Variants in EEFSEC observed in about 807,000 individuals in gnomAD.
The protein encoded by EEFSEC is selenocysteine-specific elongation factor.
In EEFSEC, 43 loss-of-function variants were observed where a neutral mutation model predicts 42.1. The observed-to-expected ratio is 1.02, with a 90% CI of 0.80 to 1.32. The LOEUF is 1.32. Among genes scored for constraint, EEFSEC ranks in the 40% most tolerant of loss-of-function variants. EEFSEC has a pLI of 0.00. For synonymous variants in EEFSEC, 354 were observed against 339.1 expected, an observed-to-expected ratio of 1.04 and a Z score of -0.48; for missense variants, 745 against 803.6, an observed-to-expected ratio of 0.93 and a Z score of 0.88.
rs746972285 is a variant in EEFSEC, at chr3:128,246,838, G to A, written c.319G>A (p.Ala107Thr). Residue 107 changes from alanine (A) to threonine (T), a missense_variant and splice_region_variant, in exon 2 of 7, where the codon GCC (alanine) becomes ACC (threonine). Ala to Thr is a moderately conservative substitution (Grantham distance 58, BLOSUM62 0). Coordinates refer to ENST00000254730, the MANE Select transcript of EEFSEC (RefSeq NM_021937.5). ...AACCTTCTCTTCTCTTATTCCAGGG[G>A]CCCAGATCATTGATCTGATGATGCT... is the stretch of plus-strand genomic sequence containing the variant. ...ASLIRTIIGG[A>T]QIIDLMMLVI... The A allele has an allele frequency of 4.3e-6, 7 of 1,613,634 alleles. No individual in the cohort carries two copies. Among genetic ancestry groups the A allele is most frequent in the South Asian group, 3.3e-5 (3 of 91,048 alleles).
chr3:128,250,910 G>GTTTTTT (rs1559886787), intron 2 of EEFSEC, among the ~76,000 whole-genome samples: 1 of 34,528 alleles, frequency 2.9e-5, no homozygotes, highest in African/African-American at 7.3e-5. Flanking sequence ...AGTTTTTTTT[G>GTTTTTT]GTTTTTTTTT....
chr3:128,316,624 GA>G (rs2066948495), intron 4 of EEFSEC, among the ~76,000 whole-genome samples: 1 of 152,242 alleles, frequency 6.6e-6, no homozygotes, highest in South Asian at 2.1e-4. Context: ...CACGTGGGCT[GA>G]AGATCTGGCG....
intron 6 of EEFSEC, among the ~76,000 whole-genome samples, chr3:128,378,459 A>G (rs1235994479): frequency 6.6e-6 from 1 of 152,138 alleles, no homozygotes; most frequent in African/African-American, 2.4e-5. Flanking sequence ...ATCATGTTGG[A>G]TCTGTGCACC....
At chr3:128,301,613 C>T (rs1187394051) in intron 4 of EEFSEC, among the ~76,000 whole-genome samples, 1 of 152,186 alleles carries the variant, frequency 6.6e-6, no homozygotes, top group East Asian at 1.9e-4. Flanking sequence ...GAACTGTTCA[C>T]CCCCTACCTG....
At chr3:128,286,841 A>G (rs2066591551) in intron 4 of EEFSEC, among the ~76,000 whole-genome samples, 1 of 152,236 alleles carries the variant, frequency 6.6e-6, no homozygotes, top group Non-Finnish European at 1.5e-5. Flanking sequence ...ACCATTATAG[A>G]TACAGAGGCA....
intron 1 of EEFSEC, among the ~76,000 whole-genome samples, chr3:128,186,523 C>T (rs78060185): frequency 6.6e-6 from 1 of 152,250 alleles, no homozygotes; most frequent in East Asian, 1.9e-4. Flanking sequence ...AGATGCATAC[C>T]TATGTTTTCT....
chr3:128,188,827 T>A (rs1189851784), intron 1 of EEFSEC, among the ~76,000 whole-genome samples: 1 of 152,186 alleles, frequency 6.6e-6, no homozygotes, highest in East Asian at 1.9e-4. Context: ...GGCATGGTGA[T>A]CTTACTGGAT....
At chr3:128,181,267 T>G (rs1183567662) in intron 1 of EEFSEC, among the ~76,000 whole-genome samples, 2 of 152,268 alleles carry the variant, frequency 1.3e-5, no homozygotes, top group East Asian at 3.8e-4. Context: ...CTTGGTAGAA[T>G]AACTTTCATT....
intron 1 of EEFSEC, among the ~76,000 whole-genome samples, chr3:128,222,159 C>A (rs1156792630): frequency 4.0e-5 from 6 of 151,792 alleles, no homozygotes; most frequent in Non-Finnish European, 1.5e-5. Context: ...CCAGCCTCCC[C>A]AGTAGCTGGG....
intron 6 of EEFSEC, among the ~76,000 whole-genome samples, chr3:128,368,922 G>A (rs1009971715): frequency 6.6e-6 from 1 of 152,236 alleles, no homozygotes; most frequent in East Asian, 1.9e-4. Context: ...GCACAGCCAC[G>A]GTGGCATTAC....
intron 5 of EEFSEC, among the ~76,000 whole-genome samples, chr3:128,357,874 T>G (rs576938268): frequency 3.9e-4 from 57 of 145,784 alleles, no homozygotes; most frequent in African/African-American, 1.0e-3. Flanking sequence ...TGACCTTGGA[T>G]AGATGACAGA....
chr3:128,211,309 A>G (rs2065753884), intron 1 of EEFSEC, among the ~76,000 whole-genome samples: 1 of 151,998 alleles, frequency 6.6e-6, no homozygotes, highest in African/African-American at 2.4e-5. Context: ...GCTGGAGTGT[A>G]GTGGCATGAT....
intron 4 of EEFSEC, among the ~76,000 whole-genome samples, chr3:128,287,252 T>G (rs1178738178): frequency 6.6e-6 from 1 of 151,538 alleles, no homozygotes; most frequent in East Asian, 1.9e-4. Flanking sequence ...CAGGCTGAGG[T>G]GGAGATGAGC....
the EEFSEC span, among the ~76,000 whole-genome samples, chr3:128,425,407 A>C: frequency 2.0e-5 from 3 of 151,958 alleles, no homozygotes; most frequent in African/African-American, 7.3e-5. Context: ...TCACCTGCGG[A>C]AGGACACTCG....
chr3:128,361,616 G>A (rs2067526509), intron 6 of EEFSEC, among the ~76,000 whole-genome samples: 1 of 152,218 alleles, frequency 6.6e-6, no homozygotes, highest in Non-Finnish European at 1.5e-5. Context: ...TGCTAGGGCT[G>A]TTGACTCCCA....
chr3:128,344,134 G>A (rs546111197), intron 5 of EEFSEC, among the ~76,000 whole-genome samples: 41 of 152,362 alleles, frequency 2.7e-4, no homozygotes, highest in Non-Finnish European at 4.4e-4. Context: ...ATGGGCACCT[G>A]CCTTAATGCT....
At chr3:128,213,937 G>A (rs1030373779) in intron 1 of EEFSEC, among the ~76,000 whole-genome samples, 1 of 152,126 alleles carries the variant, frequency 6.6e-6, no homozygotes, top group Non-Finnish European at 1.5e-5. Context: ...CAAGTAAAGA[G>A]CAGGTGATGC....
At chr3:128,382,440 T>C (rs142084615) in intron 6 of EEFSEC, among the ~76,000 whole-genome samples, 170 of 152,298 alleles carry the variant, frequency 1.1e-3, no homozygotes, top group African/African-American at 3.7e-3. Flanking sequence ...CCTACGTCTA[T>C]GTGTGTCCAT....
intron 5 of EEFSEC, among the ~76,000 whole-genome samples, chr3:128,349,511 G>A (rs563358420): frequency 6.6e-6 from 1 of 152,304 alleles, no homozygotes; most frequent in South Asian, 2.1e-4. Flanking sequence ...AGGAGGAGGT[G>A]AGGGTCTGGT....
Sources: gnomAD v4.1 joint callset for allele counts (sites outside exome capture counted in the v4.1 genomes callset) on GRCh38, gnomAD v4.1.1 for gene constraint, MANE v1.5 for transcripts, NCBI Gene and HGNC (gene_info 2026-07-23, HGNC 2026-07-21) for gene names.